The following CTNNA2 variants were observed in gnomAD, a reference collection of about 807,000 sequenced individuals.
CTNNA2 encodes the protein catenin alpha 2.
A neutral mutation model predicts 101.0 loss-of-function variants in CTNNA2; 42 were observed. The ratio of observed to expected loss-of-function variants is 0.42; its 90% confidence interval spans 0.32 to 0.54. CTNNA2 has a LOEUF of 0.54. Ranked by LOEUF, CTNNA2 falls within the 20% of genes least tolerant of loss-of-function variation. The pLI is 0.14. For synonymous variants in CTNNA2, 450 were observed against 456.4 expected (o/e 0.99, Z 0.18); for missense variants, 871 against 1,223.1 (o/e 0.71, Z 4.29).
chr2:79,780,571 C>T (rs1674346406), intron 3 of CTNNA2, among the ~76,000 whole-genome samples: 1 of 152,148 alleles, frequency 6.6e-6, no homozygotes. Context: ...TTACATACAA[C>T]TTCAGTTTCA....
intron 3 of CTNNA2, among the ~76,000 whole-genome samples, chr2:79,346,352 T>G (rs920994923): frequency 6.6e-6 from 1 of 152,188 alleles, no homozygotes; most frequent in Non-Finnish European, 1.5e-5. Context: ...TCCTCATTTT[T>G]CTGAACCTAA....
intron 7 of CTNNA2, among the ~76,000 whole-genome samples, chr2:80,138,244 A>T (rs1573195128): frequency 6.6e-6 from 1 of 152,088 alleles, no homozygotes; most frequent in East Asian, 1.9e-4. Flanking sequence ...GTGTTGCCTG[A>T]TCACCTCTAA....
At chr2:80,118,396 C>G (rs1701644681) in intron 7 of CTNNA2, among the ~76,000 whole-genome samples, 1 of 152,230 alleles carries the variant, frequency 6.6e-6, no homozygotes, top group Non-Finnish European at 1.5e-5. Context: ...TTTCCAAACT[C>G]TGCCTTTCCA....
rs1697249279 is a variant in CTNNA2 at position 80,599,200 on chromosome 2, A to G, written c.2190-4874A>G. Among the ~76,000 whole-genome samples the G allele has an allele frequency of 6.6e-5, 10 of 152,228 alleles. No individual in the cohort carries two copies. In the South Asian group the frequency reaches 2.1e-3, roughly 32 times the overall value. ...TAAATAAAATTAAACTTAGTTCCTC[A>G]GCCACACTAGCCATATTTTAAGTGT... On this transcript the variant is annotated intron_variant, in intron 15 of 18. Transcript: ENST00000402739.
At chr2:80,613,914 C>CT (rs1158273920) in intron 17 of CTNNA2, among the ~76,000 whole-genome samples, 5 of 151,388 alleles carry the variant, frequency 3.3e-5, no homozygotes, top group Admixed American at 6.6e-5. Flanking sequence ...GGCATTACTG[C>CT]TTGTAACAGC....
chr2:80,173,763 G>C (rs1251765468), intron 7 of CTNNA2, among the ~76,000 whole-genome samples: 1 of 152,232 alleles, frequency 6.6e-6, no homozygotes, highest in East Asian at 1.9e-4. Flanking sequence ...GTCTGCATCA[G>C]GAGGTCTGCA....
At chr2:80,433,943 T>G (rs955234294) in intron 9 of CTNNA2, among the ~76,000 whole-genome samples, 14 of 152,212 alleles carry the variant, frequency 9.2e-5, no homozygotes, top group African/African-American at 3.4e-4. Context: ...ACAATTACTT[T>G]TCTCAAGATG....
intron 2 of CTNNA2, among the ~76,000 whole-genome samples, chr2:79,661,182 T>C (rs1682011558): frequency 6.6e-6 from 1 of 152,210 alleles, no homozygotes; most frequent in Non-Finnish European, 1.5e-5. Flanking sequence ...CATTGCACTC[T>C]GTTTAGCATA....
chr2:80,212,431 C>A (rs1186079186), intron 7 of CTNNA2, among the ~76,000 whole-genome samples: 1 of 147,630 alleles, frequency 6.8e-6, no homozygotes, highest in South Asian at 2.1e-4. Context: ...GCATGAAGGG[C>A]TGTTGAATTT....
At chr2:79,210,060 C>T (rs1674151273) in intron 2 of CTNNA2, among the ~76,000 whole-genome samples, 1 of 114,050 alleles carries the variant, frequency 8.8e-6, no homozygotes, top group Non-Finnish European at 1.7e-5. Context: ...CCTAGATGCC[C>T]AATTTGAGAT....
At chr2:80,630,932 T>C (rs1377847565) in intron 18 of CTNNA2, among the ~76,000 whole-genome samples, 1 of 152,170 alleles carries the variant, frequency 6.6e-6, no homozygotes, top group Non-Finnish European at 1.5e-5. Context: ...CATTCGTTTT[T>C]TAAAAGAAAA....
intron 1 of CTNNA2, among the ~76,000 whole-genome samples, chr2:79,646,156 A>T (rs1680797767): frequency 1.3e-5 from 2 of 152,202 alleles, no homozygotes; most frequent in African/African-American, 4.8e-5. Context: ...GAGAATTCCA[A>T]AGACATTTTC....
At chr2:80,628,609 A>G (rs1046190104) in intron 18 of CTNNA2, among the ~76,000 whole-genome samples, 1 of 152,074 alleles carries the variant, frequency 6.6e-6, no homozygotes, top group African/African-American at 2.4e-5. Context: ...TATTCTTTGT[A>G]GTTTTTTGAA....
At chr2:79,648,233 C>G (rs996695696) in intron 1 of CTNNA2, among the ~76,000 whole-genome samples, 10 of 152,142 alleles carry the variant, frequency 6.6e-5, no homozygotes, top group Non-Finnish European at 1.2e-4. Flanking sequence ...AGAGGGGCCA[C>G]ATACCAAATC....
At chr2:80,225,820 C>A (rs1324581144) in intron 7 of CTNNA2, among the ~76,000 whole-genome samples, 1 of 152,074 alleles carries the variant, frequency 6.6e-6, no homozygotes, top group South Asian at 2.1e-4. Flanking sequence ...TGATCTAGTG[C>A]AAGCTAATAC....
At chr2:79,695,076 C>CT (rs145301717) in intron 2 of CTNNA2, among the ~76,000 whole-genome samples, 121 of 141,118 alleles carry the variant, frequency 8.6e-4, no homozygotes, top group East Asian at 2.5e-3. Context: ...TTTCACATTA[C>CT]TTTTTTTTTT....
chr2:80,380,107 G>A (rs1676366702), intron 7 of CTNNA2, among the ~76,000 whole-genome samples: 1 of 145,522 alleles, frequency 6.9e-6, no homozygotes, highest in Non-Finnish European at 1.5e-5. Context: ...CACGATCTCG[G>A]CTCACTGCAA....
At chr2:79,509,793 C>G (rs1262266167), upstream of CTNNA2, among the ~76,000 whole-genome samples, 1 of 152,168 alleles carries the variant, frequency 6.6e-6, no homozygotes, top group Non-Finnish European at 1.5e-5. Flanking sequence ...CCAATTGTAA[C>G]AAACATGCTA....
chr2:80,135,370 A>AGG (rs1702635909), intron 7 of CTNNA2, among the ~76,000 whole-genome samples: 1 of 152,224 alleles, frequency 6.6e-6, no homozygotes, highest in Non-Finnish European at 1.5e-5. Context: ...AGACAAAGGA[A>AGG]GGAGGGCTCT....
Sources: gnomAD v4.1 joint callset for allele counts (sites outside exome capture counted in the v4.1 genomes callset) on GRCh38, gnomAD v4.1.1 for gene constraint, MANE v1.5 for transcripts, NCBI Gene and HGNC (gene_info 2026-07-23, HGNC 2026-07-21) for gene names.